The following BEND7 variants were observed in gnomAD, a reference collection of about 807,000 sequenced individuals.
BEND7 encodes the protein BEN domain-containing protein 7.
Under a neutral mutation model 50.9 loss-of-function variants are expected in BEND7, and 28 were observed. The observed-to-expected ratio is 0.55, with a 90% CI of 0.41 to 0.75. BEND7 has a LOEUF of 0.75. Among genes scored for constraint, BEND7 ranks in the 30% least tolerant of loss-of-function variants. The pLI is 0.00. For missense variants in BEND7, 477 were observed against 491.3 expected (o/e 0.97, Z 0.28); for synonymous variants, 170 against 183.9 (o/e 0.92, Z 0.61).
intron 6 of BEND7, among the ~76,000 whole-genome samples, chr10:13,462,043 C>A (rs577705210): frequency 6.6e-6 from 1 of 152,286 alleles, no homozygotes; most frequent in East Asian, 1.9e-4. Flanking sequence ...GTGAGACACC[C>A]CTTGTGGATG....
intron 1 of BEND7, 60 bp downstream of exon 1, chr10:13,528,413 C>G (rs948096356): frequency 3.1e-5 from 27 of 859,022 alleles, no homozygotes; most frequent in Non-Finnish European, 3.8e-5. Flanking sequence ...CGTGGACCCC[C>G]GCGGGCGGCC....
At chr10:13,494,490 C>A (rs1437265200) in intron 4 of BEND7, among the ~76,000 whole-genome samples, 1 of 152,254 alleles carries the variant, frequency 6.6e-6, no homozygotes, top group Non-Finnish European at 1.5e-5. Flanking sequence ...GAACTGACAC[C>A]TCCAGGCATG....
intron 6 of BEND7, among the ~76,000 whole-genome samples, chr10:13,473,942 T>C (rs114363441): frequency 0.029 from 4,315 of 150,810 alleles, 192 homozygotes; most frequent in African/African-American, 0.1. Context: ...AGGGCCAATA[T>C]TGTCATCGCT....
chr10:13,488,694 G>T (rs185646165), intron 5 of BEND7, among the ~76,000 whole-genome samples: 1 of 152,046 alleles, frequency 6.6e-6, no homozygotes, highest in Non-Finnish European at 1.5e-5. Flanking sequence ...TCACCATGTT[G>T]GCCAGGACTG....
chr10:13,488,703 T>A (rs896471037), intron 5 of BEND7, among the ~76,000 whole-genome samples: 1 of 152,100 alleles, frequency 6.6e-6, no homozygotes, highest in Non-Finnish European at 1.5e-5. Flanking sequence ...TGGCCAGGAC[T>A]GTCTCAATCT....
chr10:13,439,024 T>C, downstream of BEND7: 1 of 760,350 alleles, frequency 1.3e-6, no homozygotes, highest in Non-Finnish European at 2.1e-6. Flanking sequence ...CCAACTTTAA[T>C]CAGTCCACTC....
intron 6 of BEND7, among the ~76,000 whole-genome samples, chr10:13,456,106 G>T (rs1397137432): frequency 1.3e-5 from 2 of 152,114 alleles, no homozygotes; most frequent in Non-Finnish European, 2.9e-5. Flanking sequence ...GGGCATGAAT[G>T]AACTCACCTC....
intron 6 of BEND7, among the ~76,000 whole-genome samples, chr10:13,458,843 C>T (rs1839592581): frequency 6.6e-6 from 1 of 152,112 alleles, no homozygotes; most frequent in African/African-American, 2.4e-5. Flanking sequence ...CGGACCACAA[C>T]CAGGGTCCCT....
chr10:13,447,332 A>T lies in BEND7; in HGVS notation c.1184-16T>A. On this transcript the variant is annotated splice_polypyrimidine_tract_variant and intron_variant, in intron 7 of 8. Coordinates refer to ENST00000466271, the MANE Select transcript of BEND7 (RefSeq NM_001369863.1). ...TCCGCGATCTCTGCTGGTTACAAACATAAGACACAAATCTCATTAGTTCCA... is the reference window on the plus strand; with the variant it reads ...TCCGCGATCTCTGCTGGTTACAAACTTAAGACACAAATCTCATTAGTTCCA... 1 of 1,613,966 alleles carries T rather than the reference A, an allele frequency of 6.2e-7. No individual in the cohort carries two copies. The highest frequency in any genetic ancestry group is 8.5e-7 in the Non-Finnish European group (1 of 1,179,898).
intron 2 of BEND7, 116 bp from the exon 3 acceptor site, chr10:13,500,196 A>C (rs1588969457): frequency 1.1e-6 from 1 of 901,506 alleles, no homozygotes; most frequent in East Asian, 2.5e-5. Context: ...AAGATGACTG[A>C]CTCTATGAAC....
chr10:13,461,669 G>A (rs1489631248), intron 6 of BEND7, among the ~76,000 whole-genome samples: 1 of 151,902 alleles, frequency 6.6e-6, no homozygotes, highest in African/African-American at 2.4e-5. Flanking sequence ...GGAGGCAGAG[G>A]TTGCAGTGAG....
At chr10:13,519,113 G>A (rs1446313806) in intron 2 of BEND7, among the ~76,000 whole-genome samples, 1 of 151,342 alleles carries the variant, frequency 6.6e-6, no homozygotes, top group Non-Finnish European at 1.5e-5. Flanking sequence ...GTAAATATTA[G>A]GCATCACATG....
At chr10:13,516,680 G>A (rs1443887398) in intron 2 of BEND7, among the ~76,000 whole-genome samples, 3 of 152,088 alleles carry the variant, frequency 2.0e-5, no homozygotes, top group Admixed American at 1.3e-4. Context: ...AACCAAAATC[G>A]CGCCGCTGCA....
intron 5 of BEND7, among the ~76,000 whole-genome samples, chr10:13,492,377 G>T (rs543661847): frequency 6.6e-6 from 1 of 152,234 alleles, no homozygotes; most frequent in East Asian, 1.9e-4. Flanking sequence ...GATTATTTAC[G>T]CCATCACCCT....
rs147186201 is a variant in BEND7, at chr10:13,458,960, G to C, written c.1064-6302C>G. Among the ~76,000 whole-genome samples, 177 of 152,340 alleles carry C rather than the reference G, an allele frequency of 1.2e-3. 5 individuals are homozygous for C. The South Asian group carries it at 0.03, about 26-fold the overall frequency. ...ATCTCGCAACAACCAGCAGGGTTAG[G>C]TATTGTGATCCTCAGTTACTGATGA... On this transcript the variant is annotated intron_variant, in intron 6 of 8. Transcript: ENST00000466271.
chr10:13,487,559 T>C (rs2076321378), intron 5 of BEND7, among the ~76,000 whole-genome samples: 3 of 151,928 alleles, frequency 2.0e-5, no homozygotes, highest in Non-Finnish European at 2.9e-5. Flanking sequence ...GCTAATTTTA[T>C]ATTTTTAGTA....
chr10:13,497,266 G>A (rs957914336), intron 3 of BEND7, among the ~76,000 whole-genome samples: 11 of 152,230 alleles, frequency 7.2e-5, no homozygotes, highest in African/African-American at 2.7e-4. Flanking sequence ...AAGGAGCCCT[G>A]AGGACAGCCT....
rs118014911 is a variant in BEND7, at chr10:13,466,397, T to C, written c.1064-13739A>G. 3.3e-3 allele frequency among the ~76,000 whole-genome samples: 498 copies of C among 152,116 alleles called. 1 individual carries two copies. The highest frequency in any genetic ancestry group is 6.8e-3 in the Middle Eastern group (2 of 294). On this transcript the variant is annotated intron_variant, in intron 6 of 8. Transcript: ENST00000466271. ...CAACATGCCGAAACCCTGTCTCTAT[T>C]AGAAATTCAAAATTAGCTGGGCGTG... is the stretch of plus-strand genomic sequence containing the variant.
chr10:13,492,940 G>A lies in BEND7; in HGVS notation c.572-64C>T, dbSNP rs561231797. ...GTCTGACTTAGGAAAACTTATCTCC[G>A]GTCTATCCATGTGATCTACAAACTG... On this transcript the variant is annotated intron_variant, in intron 4 of 8. Transcript: ENST00000466271. The A allele has an allele frequency of 6.2e-5, 96 of 1,544,696 alleles. 2 individuals are homozygous for A. The South Asian group carries it at 1.0e-3, about 16-fold the overall frequency.
Sources: allele counts gnomAD v4.1 joint callset (sites outside exome capture counted in the v4.1 genomes callset), GRCh38; gene constraint gnomAD v4.1.1; transcripts MANE v1.5; gene names NCBI Gene and HGNC (gene_info 2026-07-23, HGNC 2026-07-21).